EPHB1: variants seen among roughly 807,000 people sequenced by gnomAD.
EPHB1 encodes EPH receptor B1.
In EPHB1, 30 loss-of-function variants were observed where a neutral mutation model predicts 94.4. That is an observed-to-expected ratio of 0.32 (90% CI 0.24 to 0.43). EPHB1 has a LOEUF of 0.43. EPHB1 is among the 20% of genes least tolerant of loss of function. The pLI is 1.00. For missense variants in EPHB1, 1,055 were observed against 1,308.3 expected, an observed-to-expected ratio of 0.81 and a Z score of 2.99; for synonymous variants, 522 against 489.1, an observed-to-expected ratio of 1.07 and a Z score of -0.89.
At chr3:135,125,237 C>G (rs1940150941) in intron 4 of EPHB1, among the ~76,000 whole-genome samples, 1 of 151,662 alleles carries the variant, frequency 6.6e-6, no homozygotes, top group South Asian at 2.1e-4. Context: ...AGTAACCTCC[C>G]TCCCCTATGG....
At chr3:134,874,372 G>A (rs1377947508) in intron 1 of EPHB1, among the ~76,000 whole-genome samples, 2 of 152,120 alleles carry the variant, frequency 1.3e-5, no homozygotes, top group African/African-American at 4.8e-5. Context: ...TTGGGGGGTG[G>A]AGGGTGAGGG....
In EPHB1 at chr3:135,088,702, A is replaced by T. The variant is rs140722199; in HGVS notation, c.806-17746A>T. 3.0e-3 allele frequency among the ~76,000 whole-genome samples: 451 copies of T among 152,294 alleles called. 21 individuals are homozygous for T. The East Asian group carries it at 0.072, about 24-fold the overall frequency. ...AACTTTCTCCCAGAAGTCACATAGG[A>T]TACTACTTCTCCTTGTATCCCTAGA... On this transcript the variant is annotated intron_variant, in intron 3 of 15. Transcript: ENST00000398015.
chr3:134,958,413 A>AGGGT (rs1933365157), intron 3 of EPHB1, among the ~76,000 whole-genome samples: 1 of 97,668 alleles, frequency 1.0e-5, no homozygotes, highest in African/African-American at 3.4e-5. Flanking sequence ...AACACAAGGG[A>AGGGT]GTGTGTGTGT....
chr3:135,232,225 A>G (rs983204971), intron 12 of EPHB1, among the ~76,000 whole-genome samples: 1 of 152,234 alleles, frequency 6.6e-6, no homozygotes, highest in East Asian at 1.9e-4. Context: ...GGGTCAGTGT[A>G]CTTTCAGAGA....
intron 4 of EPHB1, among the ~76,000 whole-genome samples, chr3:135,114,228 G>A (rs1017697644): frequency 1.3e-5 from 2 of 152,184 alleles, no homozygotes; most frequent in Non-Finnish European, 2.9e-5. Context: ...CAAATAAGCA[G>A]TGTTAGTATA....
intron 3 of EPHB1, among the ~76,000 whole-genome samples, chr3:135,016,867 G>T (rs1331008188): frequency 1.3e-5 from 2 of 152,076 alleles, no homozygotes; most frequent in African/African-American, 4.8e-5. Context: ...CCTTTCTCGG[G>T]ACTCTGGCCA....
chr3:135,241,147 G>T lies in EPHB1; in HGVS notation c.2347-1G>T, dbSNP rs2107728055. ...CTGACCACGGTTTCTCCTTCTTTCA[G>T]GGAGGGAAGATCCCTGTGAGATGGA... On this transcript the variant is annotated splice_acceptor_variant, in intron 12 of 15. Transcript: ENST00000398015. LOFTEE classifies it high-confidence loss of function. The T allele has an allele frequency of 6.2e-7, 1 of 1,614,218 alleles. No homozygotes were observed. The highest frequency in any genetic ancestry group is 8.5e-7 in the Non-Finnish European group (1 of 1,180,036).
intron 10 of EPHB1, among the ~76,000 whole-genome samples, chr3:135,189,066 G>C (rs1286016279): frequency 6.6e-6 from 1 of 152,190 alleles, no homozygotes; most frequent in Non-Finnish European, 1.5e-5. Context: ...TTTTAGACTT[G>C]AAGACCAGTC....
chr3:134,795,740 G>T, intron 1 of EPHB1, 51 bp downstream of exon 1: 1 of 1,575,838 alleles, frequency 6.3e-7, no homozygotes, highest in Admixed American at 1.7e-5. Context: ...GCCGCCTTGG[G>T]ACTGCTGTGC....
chr3:134,929,819 T>C (rs1289499146), intron 2 of EPHB1, among the ~76,000 whole-genome samples: 1 of 152,134 alleles, frequency 6.6e-6, no homozygotes, highest in Non-Finnish European at 1.5e-5. Context: ...ATGAACTTCA[T>C]GGCACTGAGG....
At chr3:135,039,402 C>G (rs929100582) in intron 3 of EPHB1, among the ~76,000 whole-genome samples, 5 of 152,362 alleles carry the variant, frequency 3.3e-5, no homozygotes, top group Non-Finnish European at 1.5e-5. Context: ...GTGGAGCTGC[C>G]TGCCAGTCCT....
chr3:134,974,976 C>T (rs1244818493), intron 3 of EPHB1, among the ~76,000 whole-genome samples: 1 of 151,832 alleles, frequency 6.6e-6, no homozygotes, highest in African/African-American at 2.4e-5. Context: ...CTCTGTGTCT[C>T]TTTTTTCCTC....
intron 3 of EPHB1, among the ~76,000 whole-genome samples, chr3:135,023,906 A>G (rs111423418): frequency 5.2e-4 from 79 of 152,348 alleles, no homozygotes; most frequent in Admixed American, 3.9e-4. Flanking sequence ...TTTAAAAAAT[A>G]ATTCCTGTTT....
chr3:135,001,009 A>G (rs2107742708), intron 3 of EPHB1, among the ~76,000 whole-genome samples: 1 of 152,292 alleles, frequency 6.6e-6, no homozygotes, highest in African/African-American at 2.4e-5. Flanking sequence ...TTTGATTATC[A>G]TCATGTGAGG....
At chr3:134,986,744 A>ACACACC (rs1553718460) in intron 3 of EPHB1, among the ~76,000 whole-genome samples, 6 of 151,184 alleles carry the variant, frequency 4.0e-5, no homozygotes, top group African/African-American at 7.3e-5. Flanking sequence ...ACACACACAC[A>ACACACC]TCCCAAACAA....
At chr3:135,079,057 C>A (rs1231196982) in intron 3 of EPHB1, among the ~76,000 whole-genome samples, 17 of 150,836 alleles carry the variant, frequency 1.1e-4, no homozygotes, top group Admixed American at 1.1e-3. Flanking sequence ...AGGAGTGTAT[C>A]AGAAATCATG....
In EPHB1 at chr3:135,179,956, T is replaced by C. The variant is rs375222902; in HGVS notation, c.1856T>C (p.Val619Ala). 1.0e-4 allele frequency: 161 copies of C among 1,613,814 alleles called. No individual in the cohort carries two copies. Among genetic ancestry groups the C allele is most frequent in the Non-Finnish European group, 1.2e-4 (138 of 1,179,834 alleles). The change falls in exon 10 of 16, where the codon GTG (valine) becomes GCG (alanine). Residue 619 changes from valine (V) to alanine (A), a missense_variant. Transcript: ENST00000398015. ...GCCAAGGAGATTGATGTATCTTTTG[T>C]GAAAATTGAAGAGGTCATCGGAGCA... ...EFAKEIDVSF[V>A]KIEEVIGAGE... is the part of the protein sequence containing the mutation.
chr3:134,891,495 G>C (rs924389024), intron 1 of EPHB1, among the ~76,000 whole-genome samples: 1 of 152,152 alleles, frequency 6.6e-6, no homozygotes, highest in Non-Finnish European at 1.5e-5. Flanking sequence ...AAAATAGAAA[G>C]TATCCATGTA....
chr3:135,053,586 CTCTGTATATGCATCT>C (rs1479973415), intron 3 of EPHB1, among the ~76,000 whole-genome samples: 4 of 152,156 alleles, frequency 2.6e-5, no homozygotes, highest in Non-Finnish European at 5.9e-5. Context: ...GTTTGATGCT[CTCTGTATATGCATCT>C]TTTGTTTTCT....
Sources: gnomAD v4.1 joint callset for allele counts (sites outside exome capture counted in the v4.1 genomes callset) on GRCh38, gnomAD v4.1.1 for gene constraint, MANE v1.5 for transcripts, NCBI Gene and HGNC (gene_info 2026-07-23, HGNC 2026-07-21) for gene names.